Variants in RPA3 observed in about 807,000 individuals in gnomAD.
RPA3 encodes replication protein A 14 kDa subunit.
RPA3 carries 24 observed loss-of-function variants against 13.7 expected under a neutral mutation model. That is an observed-to-expected ratio of 1.75 (90% CI 1.27 to 2.46). RPA3 has a LOEUF of 2.46. RPA3 is among the 30% of genes most tolerant of loss of function. The pLI is 0.00. For missense variants in RPA3, 183 were observed against 151.0 expected (o/e 1.21, Z -1.11); for synonymous variants, 59 against 51.2 (o/e 1.15, Z -0.65).
At chr7:7,709,630 A>T (rs912056609) in intron 2 of RPA3, among the ~76,000 whole-genome samples, 5 of 152,248 alleles carry the variant, frequency 3.3e-5, no homozygotes, top group Non-Finnish European at 7.3e-5. Flanking sequence ...ATCTTTCCCT[A>T]ACAAGGGTCT....
intron 4 of RPA3, among the ~76,000 whole-genome samples, chr7:7,677,286 A>G (rs972056505): frequency 6.6e-6 from 1 of 152,164 alleles, no homozygotes; most frequent in Non-Finnish European, 1.5e-5. Context: ...TTAAAAATAT[A>G]CAATAAATTA....
intron 4 of RPA3, among the ~76,000 whole-genome samples, chr7:7,670,921 C>T (rs1779589889): frequency 1.3e-5 from 2 of 152,178 alleles, no homozygotes; most frequent in South Asian, 2.1e-4. Context: ...ATTCTGCTTC[C>T]TGGGAGAGGC....
chr7:7,676,925 TTC>T (rs1779756001), intron 4 of RPA3, among the ~76,000 whole-genome samples: 1 of 152,138 alleles, frequency 6.6e-6, no homozygotes. Context: ...TCTGCTAGGT[TTC>T]TCTTTTTATT....
chr7:7,713,217 A>T (rs1780811170), intron 2 of RPA3, among the ~76,000 whole-genome samples: 1 of 151,702 alleles, frequency 6.6e-6, no homozygotes, highest in South Asian at 2.1e-4. Flanking sequence ...GGTGGCGTGC[A>T]CCTGTAGTCC....
chr7:7,697,828 T>C (rs1440903735), intron 2 of RPA3, among the ~76,000 whole-genome samples: 1 of 152,176 alleles, frequency 6.6e-6, no homozygotes. Context: ...ATCTTCCAAT[T>C]TGAGACGTAT....
rs1035762591 is a variant in RPA3, at chr7:7,673,511, C to T, written c.-758+12319G>A. 3 of 673,368 alleles carry T rather than the reference C, an allele frequency of 4.5e-6. No homozygotes were observed. The African/African-American group carries it at 5.4e-5, about 12-fold the overall frequency. 41.7% of individuals were successfully genotyped at this position (673,368 alleles called of 1,614,324 possible). A position where few individuals can be genotyped will look rare whatever the true frequency, so the allele number is the denominator to read the frequency against. On this transcript the variant is annotated intron_variant, in intron 4 of 7. Transcript: ENST00000223129. The stretch of plus-strand genomic sequence containing the variant: ...GAATTATGTTCTCTTTAAAAAATTA[C>T]TTGAAAATTATATGATTGATTTTAA...
intron 2 of RPA3, among the ~76,000 whole-genome samples, chr7:7,690,609 A>G (rs575252229): frequency 6.6e-6 from 1 of 152,200 alleles, no homozygotes; most frequent in Non-Finnish European, 1.5e-5. Context: ...CTTAGGGATA[A>G]TTCTAAACAG....
chr7:7,682,609 A>G (rs1245986666), intron 4 of RPA3, among the ~76,000 whole-genome samples: 1 of 152,202 alleles, frequency 6.6e-6, no homozygotes, highest in Non-Finnish European at 1.5e-5. Flanking sequence ...ACAAAAACTA[A>G]ACAGGTTTTC....
intron 2 of RPA3, chr7:7,689,553 G>C (rs1780123744): frequency 6.6e-6 from 1 of 152,174 alleles, no homozygotes; most frequent in Non-Finnish European, 1.5e-5. Flanking sequence ...ATGTTTGACA[G>C]ATGTGCTTAT....
At chr7:7,702,608 C>T (rs527918539) in intron 2 of RPA3, among the ~76,000 whole-genome samples, 2 of 152,178 alleles carry the variant, frequency 1.3e-5, no homozygotes, top group African/African-American at 4.8e-5. Context: ...AAATGAACAG[C>T]CCTCAAAGAT....
At chr7:7,641,420 C>T (rs1563074514) in intron 4 of RPA3, 1 of 152,316 alleles carries the variant, frequency 6.6e-6, no homozygotes, top group Non-Finnish European at 1.5e-5. Flanking sequence ...CGTGTTTTCC[C>T]CATCTGCAAA....
chr7:7,651,925 TACAC>T (rs780105039), intron 4 of RPA3, among the ~76,000 whole-genome samples: 8 of 152,190 alleles, frequency 5.3e-5, no homozygotes, highest in Non-Finnish European at 1.2e-4. Context: ...CTTGGGCAGT[TACAC>T]ACCATTCAAA....
chr7:7,705,439 T>C (rs1230074104), intron 2 of RPA3, among the ~76,000 whole-genome samples: 81 of 152,220 alleles, frequency 5.3e-4, no homozygotes, highest in Non-Finnish European at 2.9e-5. Flanking sequence ...TTTAAGTTAA[T>C]GTAATTGGTT....
chr7:7,684,867 A>G (rs1780004841), intron 4 of RPA3, among the ~76,000 whole-genome samples: 2 of 152,164 alleles, frequency 1.3e-5, no homozygotes, highest in South Asian at 4.1e-4. Context: ...CTGTTTCACT[A>G]TGGTACTATT....
At chr7:7,665,019 A>T (rs764432635) in intron 4 of RPA3, among the ~76,000 whole-genome samples, 1 of 141,910 alleles carries the variant, frequency 7.0e-6, no homozygotes, top group African/African-American at 2.6e-5. Context: ...ATATATACAC[A>T]CACACACACA....
rs1260282700 is a variant in RPA3 at position 7,685,972 on chromosome 7, C to T, written c.-900G>A. 6.6e-6 allele frequency: 1 copy of T among 152,196 alleles called. No individual in the cohort carries two copies. The highest frequency in any genetic ancestry group is 2.4e-5 in the African/African-American group (1 of 41,452). 9.4% of individuals were successfully genotyped at this position (152,196 alleles called of 1,614,324 possible). On this transcript the variant is annotated 5_prime_UTR_variant, in exon 4 of 8. Transcript: ENST00000223129. ...GTGCTCTCCTGCTTGGTTAGGGATG[C>T]TCCAGATTCCTGGGCCTTGCCCACA...
intron 2 of RPA3, among the ~76,000 whole-genome samples, chr7:7,698,954 C>G (rs1360432390): frequency 6.7e-6 from 1 of 150,212 alleles, no homozygotes; most frequent in African/African-American, 2.5e-5. Context: ...TCCCTGGGCT[C>G]AGTGATTCTC....
Position 7,640,402 on chromosome 7 carries a change from T to C in RPA3, c.17A>G (p.Asp6Gly). The C allele has an allele frequency of 6.2e-7, 1 of 1,613,920 alleles. No individual in the cohort carries two copies. Among genetic ancestry groups the C allele is most frequent in the Non-Finnish European group, 8.5e-7 (1 of 1,179,992 alleles). MVDMMDLPRSRINAGM... is the reference protein window; with the variant it reads MVDMMGLPRSRINAGM... Reference sequence around the variant, plus strand: ...GGCGTTGATGCGCGACCTGGGCAAGTCCATCATGTCCACCATGATTATGGT... The same window carrying C: ...GGCGTTGATGCGCGACCTGGGCAAGCCCATCATGTCCACCATGATTATGGT... The change falls in exon 5 of 8, where the codon GAC becomes GGC. Residue 6 changes from aspartate (D) to glycine (G), a missense_variant. By Grantham distance (94) the Asp-to-Gly change is moderately conservative. Coordinates refer to ENST00000223129, the MANE Select transcript of RPA3 (RefSeq NM_002947.5).
intron 4 of RPA3, among the ~76,000 whole-genome samples, chr7:7,656,606 G>A (rs960958106): frequency 3.7e-4 from 57 of 152,196 alleles, no homozygotes; most frequent in Admixed American, 3.6e-3. Flanking sequence ...TGAGAATGAT[G>A]GTTTCCAGCT....
Sources: gnomAD v4.1 joint callset for allele counts (sites outside exome capture counted in the v4.1 genomes callset) on GRCh38, gnomAD v4.1.1 for gene constraint, MANE v1.5 for transcripts, NCBI Gene and HGNC (gene_info 2026-07-23, HGNC 2026-07-21) for gene names.